LRMDA: variants seen among roughly 807,000 people sequenced by gnomAD.
The protein encoded by LRMDA is leucine rich melanocyte differentiation associated.
LRMDA carries 18 observed loss-of-function variants against 29.8 expected under a neutral mutation model. That is an observed-to-expected ratio of 0.60 (90% CI 0.42 to 0.90). The LOEUF is 0.90. LRMDA is among the 40% of genes least tolerant of loss of function. LRMDA has a pLI of 0.00. For missense variants in LRMDA, 273 were observed against 273.9 expected (o/e 1.00, Z 0.02); for synonymous variants, 125 against 109.4 (o/e 1.14, Z -0.89).
chr10:76,203,915 C>T (rs926459944), intron 5 of LRMDA, among the ~76,000 whole-genome samples: 14 of 150,002 alleles, frequency 9.3e-5, no homozygotes, highest in Admixed American at 5.3e-4. Context: ...TCTCCATGTG[C>T]CCGTCCACCC....
At chr10:76,556,215 G>A (rs1294490337) in intron 6 of LRMDA, among the ~76,000 whole-genome samples, 2 of 152,250 alleles carry the variant, frequency 1.3e-5, no homozygotes, top group East Asian at 3.9e-4. Flanking sequence ...CTTATACGGA[G>A]CCACAGAGTT....
intron 6 of LRMDA, among the ~76,000 whole-genome samples, chr10:76,420,799 G>A (rs182501042): frequency 1.6e-4 from 24 of 152,164 alleles, no homozygotes; most frequent in African/African-American, 5.5e-4. Flanking sequence ...GAAGTATGTA[G>A]CTTAATTTCC....
At chr10:75,786,487 T>C (rs551785635) in intron 2 of LRMDA, among the ~76,000 whole-genome samples, 1 of 152,350 alleles carries the variant, frequency 6.6e-6, no homozygotes, top group East Asian at 1.9e-4. Context: ...TTCTCTTTAC[T>C]GTTTTTATTG....
chr10:75,926,994 A>G (rs1249681071), intron 2 of LRMDA, among the ~76,000 whole-genome samples: 1 of 152,212 alleles, frequency 6.6e-6, no homozygotes, highest in Non-Finnish European at 1.5e-5. Flanking sequence ...CTCTGGCTGC[A>G]GCAAACCTAA....
intron 5 of LRMDA, among the ~76,000 whole-genome samples, chr10:76,160,205 CTTT>C (rs566467054): frequency 1.6e-4 from 22 of 133,756 alleles, no homozygotes; most frequent in African/African-American, 5.5e-4. Context: ...TAAGAGAAGT[CTTT>C]TTTTTTTTTT....
intron 6 of LRMDA, among the ~76,000 whole-genome samples, chr10:76,551,696 C>T (rs1000704592): frequency 2.0e-5 from 3 of 151,972 alleles, no homozygotes; most frequent in Admixed American, 1.3e-4. Flanking sequence ...TTTTAGGTAC[C>T]GGGTGTTAGA....
At chr10:75,975,757 T>C (rs1173277860) in intron 2 of LRMDA, among the ~76,000 whole-genome samples, 2 of 152,236 alleles carry the variant, frequency 1.3e-5, no homozygotes, top group Non-Finnish European at 2.9e-5. Flanking sequence ...CTCAATATTC[T>C]ACAGCATCTG....
At chr10:76,322,732 ATTTTTGGGTC>A (rs1270475733) in intron 5 of LRMDA, among the ~76,000 whole-genome samples, 2 of 152,160 alleles carry the variant, frequency 1.3e-5, no homozygotes, top group Non-Finnish European at 2.9e-5. Context: ...CTCATGTTGG[ATTTTTGGGTC>A]TTTTTTTTAG....
intron 5 of LRMDA, among the ~76,000 whole-genome samples, chr10:76,134,036 G>C (rs563815431): frequency 1.3e-5 from 2 of 152,224 alleles, no homozygotes; most frequent in African/African-American, 4.8e-5. Context: ...ACAAAGTCCA[G>C]GAACAGAGAA....
At chr10:76,135,176 G>C (rs1373469450) in intron 5 of LRMDA, among the ~76,000 whole-genome samples, 1 of 152,210 alleles carries the variant, frequency 6.6e-6, no homozygotes, top group Admixed American at 6.5e-5. Flanking sequence ...TCTTGGACCA[G>C]AAGAGAAGGG....
chr10:75,564,641 C>T (rs1020102235), intron 2 of LRMDA, among the ~76,000 whole-genome samples: 3 of 152,258 alleles, frequency 2.0e-5, no homozygotes, highest in African/African-American at 7.2e-5. Context: ...ACGCTGGGAG[C>T]TGTAGACCGG....
At chr10:76,503,022 G>A (rs2132344154) in intron 6 of LRMDA, among the ~76,000 whole-genome samples, 1 of 152,028 alleles carries the variant, frequency 6.6e-6, no homozygotes, top group African/African-American at 2.4e-5. Flanking sequence ...TATGACATTG[G>A]CTATGGGTTT....
At chr10:75,686,790 TTGTCGCAACCC>T (rs1341164082) in intron 2 of LRMDA, among the ~76,000 whole-genome samples, 1 of 152,222 alleles carries the variant, frequency 6.6e-6, no homozygotes, top group Non-Finnish European at 1.5e-5. Context: ...AATTGAAGGT[TTGTCGCAACCC>T]TGTATTGAGC....
rs545566657 is a variant in LRMDA, at chr10:75,715,463, A to G, written c.131+276969A>G. On this transcript the variant is annotated intron_variant, in intron 2 of 6. Coordinates refer to ENST00000611255, the MANE Select transcript of LRMDA (RefSeq NM_001305581.2). The stretch of plus-strand genomic sequence containing the variant: ...ATCTTAACTGCCTTTTTTTTTAAAT[A>G]CATATATATGTGACATTTTTGAAAA... 2.2e-3 allele frequency among the ~76,000 whole-genome samples: 334 copies of G among 152,196 alleles called. 2 individuals carry two copies. The highest frequency in any genetic ancestry group is 6.0e-3 in the African/African-American group (250 of 41,538).
rs115601240 is a variant in LRMDA at position 75,565,132 on chromosome 10, C to T, written c.131+126638C>T. 2.7e-3 allele frequency among the ~76,000 whole-genome samples: 412 copies of T among 152,328 alleles called. 2 individuals carry two copies. Among genetic ancestry groups the T allele is most frequent in the African/African-American group, 9.3e-3 (388 of 41,576 alleles). ...AACTCTAGAAGCAAAAGCTTTGGTA[C>T]CACCCAGATGGGGAGATTCTCTATG... On this transcript the variant is annotated intron_variant, in intron 2 of 6. Transcript: ENST00000611255.
chr10:76,045,022 CCT>C (rs1491207278), intron 3 of LRMDA, among the ~76,000 whole-genome samples: 6 of 150,172 alleles, frequency 4.0e-5, no homozygotes. Context: ...CTAGTTTCCC[CCT>C]CTCTTGCTAG....
chr10:76,501,857 G>A (rs552956444), intron 6 of LRMDA, among the ~76,000 whole-genome samples: 43 of 151,940 alleles, frequency 2.8e-4, no homozygotes, highest in African/African-American at 7.7e-4. Context: ...AAGTTCTTTC[G>A]TTTAATTAGG....
At chr10:75,601,633 C>G (rs976929834) in intron 2 of LRMDA, among the ~76,000 whole-genome samples, 2 of 152,008 alleles carry the variant, frequency 1.3e-5, no homozygotes, top group African/African-American at 4.8e-5. Context: ...TAGGGACTTG[C>G]TTTCCATTGG....
At chr10:76,228,211 G>A (rs1210764116) in intron 5 of LRMDA, among the ~76,000 whole-genome samples, 3 of 151,866 alleles carry the variant, frequency 2.0e-5, no homozygotes, top group African/African-American at 4.8e-5. Flanking sequence ...TAGTAGAGAC[G>A]GGGTTTCACC....
Sources: allele counts gnomAD v4.1 joint callset (sites outside exome capture counted in the v4.1 genomes callset), GRCh38; gene constraint gnomAD v4.1.1; transcripts MANE v1.5; gene names NCBI Gene and HGNC (gene_info 2026-07-23, HGNC 2026-07-21).